The following ELAPOR2 variants were observed in gnomAD, a reference collection of about 807,000 sequenced individuals.
ELAPOR2 encodes the protein endosome/lysosome-associated apoptosis and autophagy regulator family member 2.
In ELAPOR2, 89 loss-of-function variants were observed where a neutral mutation model predicts 120.7. That is an observed-to-expected ratio of 0.74 (90% CI 0.62 to 0.88). The LOEUF (loss-of-function observed/expected upper bound fraction) is 0.88, where lower values mean the gene tolerates loss of function less well. Ranked by LOEUF, ELAPOR2 falls within the 40% of genes least tolerant of loss-of-function variation. The pLI, the probability that ELAPOR2 is intolerant of heterozygous loss-of-function variation, is 0.00. For synonymous variants in ELAPOR2, 444 were observed against 444.9 expected (o/e 1.00, Z 0.03); for missense variants, 1,134 against 1,251.6 (o/e 0.91, Z 1.42).
chr7:86,883,274 T>C (rs1028900928), intron 21 of ELAPOR2, among the ~76,000 whole-genome samples: 7 of 152,136 alleles, frequency 4.6e-5, no homozygotes, highest in African/African-American at 1.7e-4. Flanking sequence ...AGAATTGCAG[T>C]GCAGTGCTAG....
chr7:87,035,852 G>T (rs1281535086), intron 1 of ELAPOR2, among the ~76,000 whole-genome samples: 2 of 152,150 alleles, frequency 1.3e-5, no homozygotes, highest in Non-Finnish European at 2.9e-5. Flanking sequence ...ATGTTGGATT[G>T]CCCATTATTC....
intron 1 of ELAPOR2, among the ~76,000 whole-genome samples, chr7:87,049,590 G>T (rs1192073613): frequency 6.6e-6 from 1 of 152,072 alleles, no homozygotes; most frequent in East Asian, 1.9e-4. Context: ...TTTTAAATAG[G>T]TAGCCAGGGA....
At chr7:86,999,293 A>T (rs776039123) in intron 1 of ELAPOR2, among the ~76,000 whole-genome samples, 1 of 152,152 alleles carries the variant, frequency 6.6e-6, no homozygotes, top group Non-Finnish European at 1.5e-5. Flanking sequence ...TTTAAAAATT[A>T]GTTTTGTTTT....
At chr7:86,891,623 T>C in intron 21 of ELAPOR2, 101 bp downstream of exon 21, 1 of 956,842 alleles carries the variant, frequency 1.0e-6, no homozygotes, top group Non-Finnish European at 1.6e-6. Flanking sequence ...CACTGAGATA[T>C]AAACATGCAA....
intron 1 of ELAPOR2, among the ~76,000 whole-genome samples, chr7:87,018,316 G>A (rs539856553): frequency 1.3e-5 from 2 of 152,192 alleles, no homozygotes; most frequent in Non-Finnish European, 2.9e-5. Context: ...TGTGATTACA[G>A]GCGCGAGCCA....
intron 18 of ELAPOR2, among the ~76,000 whole-genome samples, chr7:86,900,819 TTTAG>T (rs1208921902): frequency 6.6e-6 from 1 of 152,144 alleles, no homozygotes; most frequent in African/African-American, 2.4e-5. Context: ...AGCACTTATT[TTTAG>T]TATGAAAATA....
intron 3 of ELAPOR2, among the ~76,000 whole-genome samples, chr7:86,947,303 C>T (rs1366572098): frequency 6.6e-6 from 1 of 151,978 alleles, no homozygotes; most frequent in Non-Finnish European, 1.5e-5. Flanking sequence ...TAAGCAAAGG[C>T]GCTTTCCACC....
At chr7:87,021,917 A>C (rs1173875686) in intron 1 of ELAPOR2, among the ~76,000 whole-genome samples, 3 of 152,162 alleles carry the variant, frequency 2.0e-5, no homozygotes, top group African/African-American at 4.8e-5. Context: ...ACATCTTTAC[A>C]AAGTTGAGCT....
intron 1 of ELAPOR2, among the ~76,000 whole-genome samples, chr7:86,984,681 AAGCAGTGCGT>A (rs1003249043): frequency 6.6e-6 from 1 of 152,192 alleles, no homozygotes; most frequent in African/African-American, 2.4e-5. Context: ...GACACATTTA[AAGCAGTGCGT>A]AGAGGGAAAT....
At chr7:87,019,764 T>C (rs767145887) in intron 1 of ELAPOR2, among the ~76,000 whole-genome samples, 1 of 152,168 alleles carries the variant, frequency 6.6e-6, no homozygotes, top group Non-Finnish European at 1.5e-5. Context: ...TACACACTTA[T>C]TGACAAAACA....
intron 18 of ELAPOR2, among the ~76,000 whole-genome samples, chr7:86,906,938 G>C (rs1371526430): frequency 1.3e-5 from 2 of 151,902 alleles, no homozygotes; most frequent in African/African-American, 4.8e-5. Context: ...GTTGAAAAAT[G>C]AATATCTGAA....
At chr7:86,972,325 C>T (rs1344673374) in intron 1 of ELAPOR2, among the ~76,000 whole-genome samples, 2 of 152,242 alleles carry the variant, frequency 1.3e-5, no homozygotes, top group East Asian at 3.9e-4. Context: ...TGATTGGGAA[C>T]CCGGGCAGTG....
In ELAPOR2 at chr7:86,913,116, C is replaced by T; in HGVS notation, c.1820G>A (p.Cys607Tyr). Reference sequence around the variant, plus strand: ...ACCCGACTGTTCAGAACCGAGGGCACAGGCACGGCATGAGGACGCCACCCC... The same window carrying T: ...ACCCGACTGTTCAGAACCGAGGGCATAGGCACGGCATGAGGACGCCACCCC... ...VDGVASSCRA[C>Y]ALGSEQSGSS... is the part of the protein sequence containing the mutation. The change falls in exon 14 of 22, where the codon TGT becomes TAT. Residue 607 changes from cysteine (C) to tyrosine (Y), a missense_variant. Coordinates refer to ENST00000450689, the MANE Select transcript of ELAPOR2 (RefSeq NM_001142749.3). 3 of 1,614,058 alleles carry T rather than the reference C, an allele frequency of 1.9e-6. No homozygotes were observed. The highest frequency in any genetic ancestry group is 2.5e-6 in the Non-Finnish European group (3 of 1,179,998).
At chr7:86,882,551 G>T (rs1159218892) in intron 21 of ELAPOR2, among the ~76,000 whole-genome samples, 1 of 152,118 alleles carries the variant, frequency 6.6e-6, no homozygotes, top group African/African-American at 2.4e-5. Context: ...GAAATGGTGG[G>T]ATATACACAC....
At chr7:87,029,087 TA>T (rs1353502470) in intron 1 of ELAPOR2, among the ~76,000 whole-genome samples, 1 of 152,204 alleles carries the variant, frequency 6.6e-6, no homozygotes, top group Non-Finnish European at 1.5e-5. Context: ...TCAGCTCCCT[TA>T]TTTTTCTTCC....
intron 19 of ELAPOR2, among the ~76,000 whole-genome samples, chr7:86,895,256 A>G (rs764596303): frequency 1.3e-5 from 2 of 152,090 alleles, no homozygotes; most frequent in African/African-American, 2.4e-5. Flanking sequence ...TATGAAGCTC[A>G]CGGAGGAGTT....
In ELAPOR2 at chr7:86,985,459, G is replaced by A. The variant is rs535492232; in HGVS notation, c.190-20435C>T. ...ATCCTCAATAAAATACTGGCAAACC[G>A]AATCCAGCAGCACATCAAAAAGCTT... On this transcript the variant is annotated intron_variant, in intron 1 of 21. Coordinates refer to ENST00000450689, the MANE Select transcript of ELAPOR2 (RefSeq NM_001142749.3). Among the ~76,000 whole-genome samples, 11 of 152,228 alleles carry A rather than the reference G, an allele frequency of 7.2e-5. No individual in the cohort carries two copies. The East Asian group carries it at 1.2e-3, about 16-fold the overall frequency.
intron 2 of ELAPOR2, among the ~76,000 whole-genome samples, chr7:86,960,860 T>C (rs1791675942): frequency 6.6e-6 from 1 of 152,248 alleles, no homozygotes; most frequent in African/African-American, 2.4e-5. Context: ...AAATATGGGT[T>C]ATACCAATAG....
intron 1 of ELAPOR2, among the ~76,000 whole-genome samples, chr7:87,008,460 A>G (rs1793554437): frequency 1.3e-5 from 2 of 152,264 alleles, no homozygotes; most frequent in African/African-American, 2.4e-5. Context: ...TAGGGACTAC[A>G]GACAGAAATA....
Sources: gnomAD v4.1 joint callset for allele counts (sites outside exome capture counted in the v4.1 genomes callset) on GRCh38, gnomAD v4.1.1 for gene constraint, MANE v1.5 for transcripts, NCBI Gene and HGNC (gene_info 2026-07-23, HGNC 2026-07-21) for gene names.